LPIN1: variants seen among roughly 807,000 people sequenced by gnomAD.
The protein encoded by LPIN1 is phosphatidate phosphatase LPIN1.
In LPIN1, 71 loss-of-function variants were observed where a neutral mutation model predicts 107.5. The observed-to-expected ratio is 0.66, with a 90% CI of 0.55 to 0.80. The LOEUF (loss-of-function observed/expected upper bound fraction) is 0.80, where lower values mean the gene tolerates loss of function less well. Among genes scored for constraint, LPIN1 ranks in the 30% least tolerant of loss-of-function variants. The probability of loss-of-function intolerance (pLI) is 0.00; values close to 1 mark genes in which losing one functional copy is unlikely to be tolerated. For synonymous variants in LPIN1, 445 were observed against 452.6 expected (o/e 0.98, Z 0.21); for missense variants, 1,043 against 1,160.6 (o/e 0.90, Z 1.47).
rs1399960071 is a variant in LPIN1, at chr2:11,746,656, C to T, written c.-25C>T. 2 of 985,230 alleles carry T rather than the reference C, an allele frequency of 2.0e-6. No individual in the cohort carries two copies. The highest frequency in any genetic ancestry group is 4.7e-5 in the South Asian group (1 of 21,288). The allele number at this position is 985,230 out of a possible 1,614,324, so 61.0% of individuals were successfully genotyped here. On this transcript the variant is annotated 5_prime_UTR_variant, in exon 1 of 21. The change creates a new upstream start codon in the 5' untranslated region. Coordinates refer to ENST00000674199, the MANE Select transcript of LPIN1 (RefSeq NM_001349206.2). ...GGTGTTTGCAATACAAAGGCGGCCA[C>T]GCGCGGCGCCGCTCGGTGAGTAGCC...
In LPIN1 at chr2:11,697,193, C is replaced by A. The variant is rs1558727054; in HGVS notation, c.82-16563C>A. ...CTGCATTGTTTCTAAGAGGAGCTGC[C>A]ACTCAAATAGGCAGCCCTGCAATCG... On this transcript the variant is annotated intron_variant, in intron 1 of 21. Transcript: ENST00000449576. The surrounding 1 kb of genome is among the most constrained non-coding windows in gnomAD (Gnocchi z 4.6). 6.6e-6 allele frequency among the ~76,000 whole-genome samples: 1 copy of A among 152,216 alleles called. No individual in the cohort carries two copies. The highest frequency in any genetic ancestry group is 1.5e-5 in the Non-Finnish European group (1 of 68,030).
chr2:11,686,712 C>T (rs936267683), intron 1 of LPIN1, among the ~76,000 whole-genome samples: 1 of 152,262 alleles, frequency 6.6e-6, no homozygotes, highest in South Asian at 2.1e-4. Flanking sequence ...GGGGGTCTGA[C>T]GCTCACCTTC....
intron 1 of LPIN1, among the ~76,000 whole-genome samples, chr2:11,708,155 C>T (rs1381859582): frequency 1.3e-5 from 2 of 152,206 alleles, no homozygotes; most frequent in East Asian, 3.9e-4. Context: ...GATCTGCCTT[C>T]AGCCACCCAG....
intron 3 of LPIN1, among the ~76,000 whole-genome samples, chr2:11,768,386 T>A (rs1398285668): frequency 6.6e-6 from 1 of 152,106 alleles, no homozygotes; most frequent in Non-Finnish European, 1.5e-5. Flanking sequence ...ACCCTTTAGG[T>A]ATCGCCTCCC....
chr2:11,796,575 G>T (rs190539732), intron 14 of LPIN1, among the ~76,000 whole-genome samples: 1 of 152,284 alleles, frequency 6.6e-6, no homozygotes, highest in Non-Finnish European at 1.5e-5. Context: ...GCTCTCGCCT[G>T]GGATGCTCTT....
intron 2 of LPIN1, among the ~76,000 whole-genome samples, chr2:11,714,433 A>T (rs1296155819): frequency 2.7e-5 from 4 of 150,832 alleles, no homozygotes; most frequent in South Asian, 2.1e-4. Context: ...CACTACCCTC[A>T]CTCCTCAAAC....
upstream of LPIN1, among the ~76,000 whole-genome samples, chr2:11,741,651 A>T (rs563398475): frequency 6.6e-6 from 1 of 152,218 alleles, no homozygotes; most frequent in Non-Finnish European, 1.5e-5. Flanking sequence ...CTCTACTAAA[A>T]ATACAAAAAA....
At chr2:11,805,377 A>T (rs1047104947) in intron 17 of LPIN1, 3 of 624,186 alleles carry the variant, frequency 4.8e-6, no homozygotes, top group Non-Finnish European at 2.9e-6. Flanking sequence ...CAAGGGGCGA[A>T]GTATAGGGGA....
At chr2:11,678,730 C>T (rs949918422) in intron 1 of LPIN1, among the ~76,000 whole-genome samples, 2 of 152,218 alleles carry the variant, frequency 1.3e-5, no homozygotes, top group African/African-American at 2.4e-5. Flanking sequence ...AGTGAGGGCT[C>T]TCTAGGGAGA....
intron 2 of LPIN1, among the ~76,000 whole-genome samples, chr2:11,717,335 G>A (rs1169014305): frequency 6.6e-6 from 1 of 152,008 alleles, no homozygotes; most frequent in Non-Finnish European, 1.5e-5. Context: ...TAGCATTTAT[G>A]TGTAATCTCA....
intron 1 of LPIN1, among the ~76,000 whole-genome samples, chr2:11,761,483 T>C (rs1464448118): frequency 6.6e-6 from 1 of 152,236 alleles, no homozygotes; most frequent in Non-Finnish European, 1.5e-5. Context: ...TACTAAGGGC[T>C]GGGCTTGTTT....
At chr2:11,811,221 C>T (rs933420229) in intron 17 of LPIN1, among the ~76,000 whole-genome samples, 9 of 152,140 alleles carry the variant, frequency 5.9e-5, no homozygotes, top group African/African-American at 1.4e-4. Context: ...CTGAAGGGAC[C>T]GTGGAAGGAG....
upstream of LPIN1, among the ~76,000 whole-genome samples, chr2:11,745,519 G>T: frequency 6.6e-6 from 1 of 152,172 alleles, no homozygotes; most frequent in Non-Finnish European, 1.5e-5. Context: ...GACCAGCCTG[G>T]GCAACATAGG....
intron 1 of LPIN1, among the ~76,000 whole-genome samples, chr2:11,699,793 G>A (rs1662775377): frequency 6.6e-6 from 1 of 152,154 alleles, no homozygotes; most frequent in Non-Finnish European, 1.5e-5. Context: ...CAAGCAAAGT[G>A]ATATAAGCAA....
intron 1 of LPIN1, among the ~76,000 whole-genome samples, chr2:11,708,526 C>T (rs1572362201): frequency 6.6e-6 from 1 of 152,154 alleles, no homozygotes; most frequent in East Asian, 1.9e-4. Flanking sequence ...CATGCAGGGC[C>T]ATGCATGCCA....
At position 11,782,295 on chromosome 2, in the gene LPIN1, C is replaced by G; in HGVS notation, c.1052C>G (p.Ser351Ter). 6.2e-7 allele frequency: 1 copy of G among 1,614,190 alleles called. No homozygotes were observed. Residue 351 changes from serine (S) to a stop codon, truncating the protein, a stop_gained, in exon 8 of 21, where the codon TCA becomes TGA. Coordinates refer to ENST00000674199, the MANE Select transcript of LPIN1 (RefSeq NM_001349206.2). LOFTEE classifies it high-confidence loss of function. ...TTTCAGGCCATTCACAGCGAATCTTCAGACACTTTTAGTGACCAATCGCCA... is the reference window on the plus strand; with the variant it reads ...TTTCAGGCCATTCACAGCGAATCTTGAGACACTTTTAGTGACCAATCGCCA... ...SHFQAIHSES[S>*]DTFSDQSPTL...
Position 11,803,122 on chromosome 2 carries a change from G to A in LPIN1, c.2013+89G>A, listed in dbSNP as rs1452961314. 3.2e-6 allele frequency: 5 copies of A among 1,560,748 alleles called. No homozygotes were observed. The highest frequency in any genetic ancestry group is 1.7e-5 in the Admixed American group (1 of 59,912). The stretch of plus-strand genomic sequence containing the variant: ...GCTGTGTGATGGTTGGGATGTGCCC[G>A]TTACTTGTCACCTTTCATCCCAGGG... On this transcript the variant is annotated intron_variant, in intron 15 of 20. Coordinates refer to ENST00000674199, the MANE Select transcript of LPIN1 (RefSeq NM_001349206.2). This position sits in a 1 kb window ranked among gnomAD's most constrained non-coding sequence, Gnocchi z 4.2.
At position 11,733,741 on chromosome 2, in the gene LPIN1, C is replaced by T. The variant is rs186694863; in HGVS notation, c.-71-7608C>T. On this transcript the variant is annotated intron_variant, in intron 1 of 21. Transcript: ENST00000396097. The stretch of plus-strand genomic sequence containing the variant: ...TCCTGGCTTCAAGCAATCTTCCCGC[C>T]TCGGCCTCCCAAAGTGCTGGGATTA... Among the ~76,000 whole-genome samples, 21 of 152,348 alleles carry T rather than the reference C, an allele frequency of 1.4e-4. 1 individual carries two copies. In the East Asian group the frequency reaches 2.3e-3, roughly 17 times the overall value.
chr2:11,779,733 A>G, intron 7 of LPIN1, 88 bp downstream of exon 7: 1 of 1,570,058 alleles, frequency 6.4e-7, no homozygotes, highest in South Asian at 1.1e-5. Context: ...TAGCCAAGAA[A>G]CACAGCTACC....
Sources: allele counts gnomAD v4.1 joint callset (sites outside exome capture counted in the v4.1 genomes callset), GRCh38; gene constraint gnomAD v4.1.1; non-coding constraint Gnocchi (gnomAD v3.1); transcripts MANE v1.5; gene names NCBI Gene and HGNC (gene_info 2026-07-23, HGNC 2026-07-21).